MED28: variants seen among roughly 807,000 people sequenced by gnomAD.
MED28 encodes mediator of RNA polymerase II transcription subunit 28.
Under a neutral mutation model 21.3 loss-of-function variants are expected in MED28, and 26 were observed. That is an observed-to-expected ratio of 1.22 (90% CI 0.89 to 1.69). The LOEUF (loss-of-function observed/expected upper bound fraction) is 1.69, where lower values mean the gene tolerates loss of function less well. MED28 is among the 40% of genes most tolerant of loss of function. MED28 has a pLI of 0.00. For synonymous variants in MED28, 110 were observed against 87.6 expected (o/e 1.26, Z -1.43); for missense variants, 257 against 215.4 (o/e 1.19, Z -1.21).
chr4:17,625,581 A>C lies in MED28; in HGVS notation c.*1783A>C. ...AAGATTTTGAATTACTGTACGTACC[A>C]GTTGTTGCCATTTCTTTATTAAATT... On this transcript the variant is annotated 3_prime_UTR_variant, in exon 4 of 4. Coordinates refer to ENST00000237380, the MANE Select transcript of MED28 (RefSeq NM_025205.5). 1 of 427,080 alleles carries C rather than the reference A, an allele frequency of 2.3e-6. No individual in the cohort carries two copies. The allele number at this position is 427,080 out of a possible 1,614,324, so 26.5% of individuals were successfully genotyped here.
chr4:17,621,907 G>A (rs1301802384), intron 3 of MED28, among the ~76,000 whole-genome samples: 3 of 152,168 alleles, frequency 2.0e-5, no homozygotes, highest in Non-Finnish European at 4.4e-5. Flanking sequence ...AGTGTCAGAC[G>A]GAACAGCTCT....
In MED28 at chr4:17,632,628, A is replaced by G. The variant is rs771954179; in HGVS notation, c.*8830A>G. On this transcript the variant is annotated 3_prime_UTR_variant, in exon 4 of 4. Coordinates refer to ENST00000237380, the MANE Select transcript of MED28 (RefSeq NM_025205.5). The stretch of plus-strand genomic sequence containing the variant: ...GGGCCGTTTCACCATCTGGGGTCCT[A>G]AAAGCAAAAAAAGGTTTTTTTATAT... 5.4e-6 allele frequency: 8 copies of G among 1,490,858 alleles called. No homozygotes were observed. Among genetic ancestry groups the G allele is most frequent in the South Asian group, 3.7e-5 (3 of 81,782 alleles). 92.4% of individuals were successfully genotyped at this position (1,490,858 alleles called of 1,614,324 possible).
chr4:17,625,589 C>T lies in MED28; in HGVS notation c.*1791C>T, dbSNP rs1714753476. 1.4e-5 allele frequency: 6 copies of T among 431,520 alleles called. No individual in the cohort carries two copies. The highest frequency in any genetic ancestry group is 1.0e-4 in the South Asian group (6 of 59,992). 26.7% of individuals were successfully genotyped at this position (431,520 alleles called of 1,614,324 possible). A position where few individuals can be genotyped will look rare whatever the true frequency, so the allele number is the denominator to read the frequency against. Reference sequence around the variant, plus strand: ...GAATTACTGTACGTACCAGTTGTTGCCATTTCTTTATTAAATTCAGAAGTT... The same window carrying T: ...GAATTACTGTACGTACCAGTTGTTGTCATTTCTTTATTAAATTCAGAAGTT... On this transcript the variant is annotated 3_prime_UTR_variant, in exon 4 of 4. Coordinates refer to ENST00000237380, the MANE Select transcript of MED28 (RefSeq NM_025205.5).
At chr4:17,616,439 A>G (rs925066703) in intron 1 of MED28, among the ~76,000 whole-genome samples, 10 of 152,180 alleles carry the variant, frequency 6.6e-5, no homozygotes, top group Non-Finnish European at 1.5e-5. Flanking sequence ...AGTCTTAGCC[A>G]AAGTTGACTC....
intron 1 of MED28, among the ~76,000 whole-genome samples, chr4:17,616,521 T>C (rs1451745253): frequency 6.6e-6 from 1 of 152,202 alleles, no homozygotes; most frequent in Non-Finnish European, 1.5e-5. Flanking sequence ...ATGTTTAGTG[T>C]GGTCTCCCAG....
chr4:17,620,338 G>T (rs1405679748), intron 2 of MED28, among the ~76,000 whole-genome samples: 6 of 147,056 alleles, frequency 4.1e-5, no homozygotes, highest in African/African-American at 1.3e-4. Context: ...TGATTTCTTC[G>T]TACCATATTT....
At chr4:17,622,782 G>A (rs1233883487) in intron 3 of MED28, among the ~76,000 whole-genome samples, 3 of 152,184 alleles carry the variant, frequency 2.0e-5, no homozygotes, top group Non-Finnish European at 2.9e-5. Context: ...GTTCCATGTG[G>A]CTGGGGAGGC....
rs1415940568 is a variant in MED28, at chr4:17,614,684, T to C, written c.30T>C (p.Ser10=). ...CGGCTCCACTAGGGGGTATGTTTTC[T>C]GGGCAGCCACCCGGTCCCCCTCAGG... MAAPLGGMF[S]GQPPGPPQAP... The change falls in exon 1 of 4, where the codon TCT becomes TCC. Residue 10 remains serine, a synonymous_variant. Coordinates refer to ENST00000237380, the MANE Select transcript of MED28 (RefSeq NM_025205.5). The C allele has an allele frequency of 6.2e-7, 1 of 1,613,446 alleles. No individual in the cohort carries two copies. The highest frequency in any genetic ancestry group is 1.3e-5 in the African/African-American group (1 of 74,870).
At chr4:17,618,000 TTTC>T (rs1273963422) in intron 1 of MED28, among the ~76,000 whole-genome samples, 104 of 114,476 alleles carry the variant, frequency 9.1e-4, no homozygotes, top group African/African-American at 3.0e-3. Context: ...ATCTTTTTTT[TTTC>T]TTTTCTTTTC....
intron 2 of MED28, 25 bp downstream of exon 2, chr4:17,619,992 A>G (rs199530622): frequency 7.5e-6 from 12 of 1,603,892 alleles, no homozygotes; most frequent in African/African-American, 1.3e-5. Flanking sequence ...TGTGTACACA[A>G]TGTTCTGGGC....
intron 2 of MED28, 78 bp downstream of exon 2, chr4:17,620,045 T>G (rs1261780100): frequency 7.9e-7 from 1 of 1,270,442 alleles, no homozygotes; most frequent in East Asian, 2.3e-5. Context: ...CTTCATGTGT[T>G]TCAGTCCTGC....
In MED28 at chr4:17,632,453, TGTTA is replaced by T. The variant is rs981415240; in HGVS notation, c.*8659_*8662del. 24 of 1,205,966 alleles carry T rather than the reference TGTTA, an allele frequency of 2.0e-5. No individual in the cohort carries two copies. The highest frequency in any genetic ancestry group is 1.2e-4 in the African/African-American group (8 of 65,506). The allele number at this position is 1,205,966 out of a possible 1,614,324, so 74.7% of individuals were successfully genotyped here. The stretch of plus-strand genomic sequence containing the variant: ...ATAAGCATATTATTTGGTTGGTTGG[TGTTA>T]GTTCATTCCTTCAATCGGATGATTT... On this transcript the variant is annotated 3_prime_UTR_variant, in exon 4 of 4. Coordinates refer to ENST00000237380, the MANE Select transcript of MED28 (RefSeq NM_025205.5).
Position 17,623,674 on chromosome 4 carries a change from ATTGGCAG to A in MED28, c.414_420del (p.Trp139ArgfsTer35). 1 of 1,614,246 alleles carries A rather than the reference ATTGGCAG, an allele frequency of 6.2e-7. No individual in the cohort carries two copies. The highest frequency in any genetic ancestry group is 8.5e-7 in the Non-Finnish European group (1 of 1,180,042). On this transcript the variant is annotated frameshift_variant, in exon 4 of 4. Transcript: ENST00000237380. LOFTEE classifies it high-confidence loss of function. ...CAGAAGCACTTGACAAAGCTGAGGCATTGGCAGCAGGTGCTGGAGGACATCAACGTGC... is the reference window on the plus strand; with the variant it reads ...CAGAAGCACTTGACAAAGCTGAGGCACAGGTGCTGGAGGACATCAACGTGC...
rs1358499933 is a variant in MED28 at position 17,624,552 on chromosome 4, C to T, written c.*754C>T. 3.0e-5 allele frequency: 3 copies of T among 99,442 alleles called. No individual in the cohort carries two copies. In the East Asian group the frequency reaches 2.7e-3, roughly 90 times the overall value. 6.2% of individuals were successfully genotyped at this position (99,442 alleles called of 1,614,324 possible). A position where few individuals can be genotyped will look rare whatever the true frequency, so the allele number is the denominator to read the frequency against. On this transcript the variant is annotated 3_prime_UTR_variant, in exon 4 of 4. Coordinates refer to ENST00000237380, the MANE Select transcript of MED28 (RefSeq NM_025205.5). ...TAATGAATCTGTTTAATGGGTCAGT[C>T]ACTGTTTTCAGTAGCATGACAGTGG...
chr4:17,620,402 G>A (rs916833530), intron 2 of MED28, among the ~76,000 whole-genome samples: 2 of 150,548 alleles, frequency 1.3e-5, no homozygotes, highest in African/African-American at 4.9e-5. Context: ...CCAGGCTGGA[G>A]TGCTCACTGC....
At chr4:17,620,238 T>G (rs758093578) in intron 2 of MED28, among the ~76,000 whole-genome samples, 10 of 152,208 alleles carry the variant, frequency 6.6e-5, no homozygotes, top group Non-Finnish European at 1.5e-4. Flanking sequence ...TAAAAAAATT[T>G]TATTATTTTT....
intron 1 of MED28, among the ~76,000 whole-genome samples, chr4:17,617,816 A>G (rs1038578580): frequency 2.6e-5 from 4 of 151,974 alleles, no homozygotes; most frequent in African/African-American, 4.8e-5. Context: ...CTGAGGCAGG[A>G]GAATCGCTGA....
chr4:17,616,780 G>T (rs942210431), intron 1 of MED28, among the ~76,000 whole-genome samples: 6 of 152,162 alleles, frequency 3.9e-5, no homozygotes, highest in African/African-American at 1.4e-4. Flanking sequence ...TGCTAATACA[G>T]TGGTAGTAGA....
rs1553825963 is a variant in MED28 at position 17,628,255 on chromosome 4, C to CGCGTGTGTGTGTGT, written c.*4458_*4459insCGTGTGTGTGTGTG. 1 of 140,812 alleles carries CGCGTGTGTGTGTGT rather than the reference C, an allele frequency of 7.1e-6. No individual in the cohort carries two copies. Among genetic ancestry groups the CGCGTGTGTGTGTGT allele is most frequent in the Non-Finnish European group, 1.5e-5 (1 of 65,198 alleles). The allele number at this position is 140,812 out of a possible 1,614,324, so 8.7% of individuals were successfully genotyped here. A position where few individuals can be genotyped will look rare whatever the true frequency, so the allele number is the denominator to read the frequency against. ...GCTGGTTAAAACGAGTGACAGCTGC[C>CGCGTGTGTGTGTGT]GTGTGTGTGTGTGTGTGTGTGTGTG... On this transcript the variant is annotated 3_prime_UTR_variant, in exon 4 of 4. Transcript: ENST00000237380.
Sources: gnomAD v4.1 joint callset for allele counts (sites outside exome capture counted in the v4.1 genomes callset) on GRCh38, gnomAD v4.1.1 for gene constraint, MANE v1.5 for transcripts, NCBI Gene and HGNC (gene_info 2026-07-23, HGNC 2026-07-21) for gene names.